The following ADD3 variants were observed in gnomAD, a reference collection of about 807,000 sequenced individuals.
The protein encoded by ADD3 is gamma-adducin.
A neutral mutation model predicts 80.2 loss-of-function variants in ADD3; 25 were observed. That is an observed-to-expected ratio of 0.31 (90% confidence interval 0.23 to 0.44). ADD3 has a LOEUF of 0.44. Among genes scored for constraint, ADD3 ranks in the 20% least tolerant of loss-of-function variants. The pLI, the probability that ADD3 is intolerant of heterozygous loss-of-function variation, is 1.00. For synonymous variants in ADD3, 284 were observed against 289.6 expected, an observed-to-expected ratio of 0.98 and a Z score of 0.20; for missense variants, 829 against 847.5, an observed-to-expected ratio of 0.98 and a Z score of 0.27.
At chr10:110,127,389 C>A (rs1326555080) in intron 12 of ADD3, among the ~76,000 whole-genome samples, 1 of 152,094 alleles carries the variant, frequency 6.6e-6, no homozygotes, top group African/African-American at 2.4e-5. Context: ...GAGGCCGAGG[C>A]GGGCAGATCA....
Position 110,100,794 on chromosome 10 carries a change from A to G in ADD3, c.141A>G (p.Gln47=). ...GGAACATGTCTCCTGATCTACGACA[A>G]GACTTCAACATGATGGAGCAGAGGA... ...RERNMSPDLR[Q]DFNMMEQRKR... Residue 47 remains glutamine, a synonymous_variant, in exon 2 of 15, where the codon CAA becomes CAG. Transcript: ENST00000356080. 1.2e-6 allele frequency: 2 copies of G among 1,613,438 alleles called. No homozygotes were observed. Among genetic ancestry groups the G allele is most frequent in the South Asian group, 2.2e-5 (2 of 90,982 alleles).
chr10:110,124,628 A>G (rs751655231), intron 10 of ADD3, among the ~76,000 whole-genome samples: 1 of 152,156 alleles, frequency 6.6e-6, no homozygotes, highest in Non-Finnish European at 1.5e-5. Flanking sequence ...GTTTCTATTA[A>G]ACTACACCAG....
At chr10:110,066,598 C>T (rs997053063) in intron 1 of ADD3, among the ~76,000 whole-genome samples, 1 of 151,930 alleles carries the variant, frequency 6.6e-6, no homozygotes, top group East Asian at 1.9e-4. Flanking sequence ...TTTGGTCAAT[C>T]TTTTAACTAA....
chr10:110,126,957 T>C (rs1193607281), intron 12 of ADD3, among the ~76,000 whole-genome samples: 1 of 152,252 alleles, frequency 6.6e-6, no homozygotes, highest in Non-Finnish European at 1.5e-5. Context: ...ACCATTGTTT[T>C]ATATGTCACT....
At chr10:110,111,077 C>A (rs573345616) in intron 2 of ADD3, among the ~76,000 whole-genome samples, 85 of 152,254 alleles carry the variant, frequency 5.6e-4, no homozygotes, top group African/African-American at 2.0e-3. Flanking sequence ...TTATTCCTAC[C>A]GTCACGAGGC....
intron 2 of ADD3, among the ~76,000 whole-genome samples, chr10:110,105,199 A>G (rs1254735328): frequency 6.6e-6 from 1 of 152,166 alleles, no homozygotes; most frequent in Non-Finnish European, 1.5e-5. Flanking sequence ...TTAAAATAAA[A>G]TATTTATCTT....
chr10:110,040,940 C>G (rs60565569), intron 1 of ADD3, among the ~76,000 whole-genome samples: 1 of 96,694 alleles, frequency 1.0e-5, no homozygotes, highest in Non-Finnish European at 2.3e-5. Flanking sequence ...CTCTCTCTCT[C>G]TCTCGCTCTC....
intron 1 of ADD3, among the ~76,000 whole-genome samples, chr10:110,070,280 G>C: frequency 6.6e-6 from 1 of 151,768 alleles, no homozygotes; most frequent in South Asian, 2.1e-4. Flanking sequence ...AGTATTTTAG[G>C]GTCAGAGACA....
chr10:110,121,308 A>G (rs1455733519), intron 8 of ADD3, among the ~76,000 whole-genome samples: 3 of 151,888 alleles, frequency 2.0e-5, no homozygotes, highest in Non-Finnish European at 4.4e-5. Flanking sequence ...ACATGGAGAA[A>G]CCCCGTCTGT....
At chr10:110,125,051 A>G (rs1248665437) in intron 10 of ADD3, among the ~76,000 whole-genome samples, 1 of 152,210 alleles carries the variant, frequency 6.6e-6, no homozygotes, top group Non-Finnish European at 1.5e-5. Context: ...AGATATTCAG[A>G]ATTAGTTCAT....
rs894804481 is a variant in ADD3, at chr10:110,055,148, A to C, written c.-29-45477A>C. Among the ~76,000 whole-genome samples, 5 of 152,224 alleles carry C rather than the reference A, an allele frequency of 3.3e-5. No individual in the cohort carries two copies. The East Asian group carries it at 9.6e-4, about 29-fold the overall frequency. ...TTAGCTGTTTTAATGCTAAAATATC[A>C]GACAAGAAACAGGAATAAGTTATGA... is the stretch of plus-strand genomic sequence containing the variant. On this transcript the variant is annotated intron_variant, in intron 1 of 14. Transcript: ENST00000356080.
chr10:110,124,910 A>C (rs188490815), intron 10 of ADD3, among the ~76,000 whole-genome samples: 184 of 152,284 alleles, frequency 1.2e-3, no homozygotes, highest in Admixed American at 2.6e-3. Flanking sequence ...CTTTATTAAA[A>C]CATTATGAGA....
chr10:110,014,336 A>G (rs755716888), intron 1 of ADD3, among the ~76,000 whole-genome samples: 2 of 152,186 alleles, frequency 1.3e-5, no homozygotes, highest in Admixed American at 6.5e-5. Context: ...TCAGAGCTCA[A>G]ATGGAGTTGT....
At chr10:110,025,817 A>G (rs1564854908) in intron 1 of ADD3, among the ~76,000 whole-genome samples, 1 of 152,118 alleles carries the variant, frequency 6.6e-6, no homozygotes, top group Non-Finnish European at 1.5e-5. Context: ...GTTTTGTCAG[A>G]ATTCCACCTG....
chr10:110,048,856 C>T (rs908297122), intron 1 of ADD3, among the ~76,000 whole-genome samples: 1 of 152,126 alleles, frequency 6.6e-6, no homozygotes, highest in Non-Finnish European at 1.5e-5. Flanking sequence ...AAGCTGGCTG[C>T]AGAAATTTGC....
chr10:110,069,624 A>G (rs1173164903), intron 1 of ADD3, among the ~76,000 whole-genome samples: 4 of 151,942 alleles, frequency 2.6e-5, no homozygotes, highest in East Asian at 3.9e-4. Flanking sequence ...TTGAGCTCAT[A>G]GGGTGTAGTA....
chr10:110,120,501 C>G (rs1439765890), intron 8 of ADD3, among the ~76,000 whole-genome samples: 2 of 151,952 alleles, frequency 1.3e-5, no homozygotes, highest in Non-Finnish European at 2.9e-5. Context: ...GGTTCCAAGT[C>G]TTTGCTATTG....
intron 12 of ADD3, among the ~76,000 whole-genome samples, chr10:110,126,732 A>T (rs1027773727): frequency 6.6e-6 from 1 of 152,160 alleles, no homozygotes; most frequent in Non-Finnish European, 1.5e-5. Context: ...GTTAGTTGAG[A>T]TGAGGTCTCA....
At chr10:110,122,743 T>G (rs926829012) in intron 9 of ADD3, among the ~76,000 whole-genome samples, 7 of 151,928 alleles carry the variant, frequency 4.6e-5, no homozygotes, top group African/African-American at 1.7e-4. Context: ...CACCTCAGCC[T>G]CCTGTGTATC....
Sources: gnomAD v4.1 joint callset for allele counts (sites outside exome capture counted in the v4.1 genomes callset) on GRCh38, gnomAD v4.1.1 for gene constraint, MANE v1.5 for transcripts, NCBI Gene and HGNC (gene_info 2026-07-23, HGNC 2026-07-21) for gene names.